The following GPR84 variants were observed in gnomAD, a reference collection of about 807,000 sequenced individuals.
The protein encoded by GPR84 is G-protein coupled receptor 84.
A neutral mutation model predicts 14.9 loss-of-function variants in GPR84; 8 were observed. That is an observed-to-expected ratio of 0.54 (90% CI 0.31 to 0.97). The LOEUF is 0.97. Among genes scored for constraint, GPR84 ranks in the 50% least tolerant of loss-of-function variants. The pLI, the probability that GPR84 is intolerant of heterozygous loss-of-function variation, is 0.04. For missense variants in GPR84, 424 were observed against 498.7 expected, an observed-to-expected ratio of 0.85 and a Z score of 1.43; for synonymous variants, 164 against 198.1, an observed-to-expected ratio of 0.83 and a Z score of 1.45.
At chr12:54,357,334 G>C in the GPR84 span, among the ~76,000 whole-genome samples, 1 of 152,152 alleles carries the variant, frequency 6.6e-6, no homozygotes, top group South Asian at 2.1e-4. Flanking sequence ...GGGGATGGGG[G>C]CGATGTGTGA....
downstream of GPR84, among the ~76,000 whole-genome samples, chr12:54,361,710 G>A (rs1455180496): frequency 2.0e-5 from 3 of 152,170 alleles, no homozygotes; most frequent in South Asian, 2.1e-4. This position sits in a 1 kb window ranked among gnomAD's most constrained non-coding sequence, Gnocchi z 4.3. Context: ...GTTTCACCAC[G>A]TTGGCCAGGC....
At chr12:54,364,097 T>C in intron 1 of GPR84, 1 of 434,340 alleles carries the variant, frequency 2.3e-6, no homozygotes, top group South Asian at 5.3e-5. Flanking sequence ...AAATATCTCT[T>C]GCCTAAATAT....
the GPR84 span, among the ~76,000 whole-genome samples, chr12:54,355,819 G>T: frequency 6.6e-6 from 1 of 152,174 alleles, no homozygotes; most frequent in South Asian, 2.1e-4. Context: ...TCAGATAGGA[G>T]GGAGCACTAG....
downstream of GPR84, among the ~76,000 whole-genome samples, chr12:54,358,934 C>T (rs1954237996): frequency 6.6e-6 from 1 of 152,122 alleles, no homozygotes; most frequent in South Asian, 2.1e-4. Context: ...CCATCCACAC[C>T]CCTCAAACTC....
Position 54,362,653 on chromosome 12 carries a change from T to C in GPR84, c.*8A>G. 6.4e-7 allele frequency: 1 copy of C among 1,564,844 alleles called. No homozygotes were observed. The highest frequency in any genetic ancestry group is 8.7e-7 in the Non-Finnish European group (1 of 1,144,686). On this transcript the variant is annotated 3_prime_UTR_variant, in exon 2 of 2. Transcript: ENST00000267015. This position sits in a 1 kb window ranked among gnomAD's most constrained non-coding sequence, Gnocchi z 4.0. ...CAGTCCTGAATTCTGGTGACTAGGGTCACAGTTCTAATGGAGCCTATGGAA... is the reference window on the plus strand; with the variant it reads ...CAGTCCTGAATTCTGGTGACTAGGGCCACAGTTCTAATGGAGCCTATGGAA...
chr12:54,350,751 T>G, the GPR84 span: 1 of 583,078 alleles, frequency 1.7e-6, no homozygotes, highest in Non-Finnish European at 3.1e-6. Context: ...ATTTAGATAA[T>G]AGGGCAGGGG....
chr12:54,359,324 GA>G (rs1451298184), downstream of GPR84, among the ~76,000 whole-genome samples: 2 of 150,796 alleles, frequency 1.3e-5, no homozygotes, highest in Non-Finnish European at 2.9e-5. Flanking sequence ...CTTGGCCAAT[GA>G]AAGGCCCTGG....
At position 54,363,501 on chromosome 12, in the gene GPR84, T is replaced by C. The variant is rs766238288; in HGVS notation, c.351A>G (p.Gly117=). 7.4e-6 allele frequency: 12 copies of C among 1,613,738 alleles called. No individual in the cohort carries two copies. Among genetic ancestry groups the C allele is most frequent in the Middle Eastern group, 1.6e-4 (1 of 6,084 alleles). Residue 117 remains glycine (G), a synonymous_variant, in exon 2 of 2, where the codon GGA becomes GGG. Coordinates refer to ENST00000267015, the MANE Select transcript of GPR84 (RefSeq NM_020370.3). ...TAGGGTGGGCAATGAGGAGGTAGCGTCCCAGTGCGATGAGGCAGAGGGTCA... is the reference window on the plus strand; with the variant it reads ...TAGGGTGGGCAATGAGGAGGTAGCGCCCCAGTGCGATGAGGCAGAGGGTCA... ...SILTLCLIAL[G]RYLLIAHPKL...
In GPR84 at chr12:54,363,503, C is replaced by T. The variant is rs774566473; in HGVS notation, c.349G>A (p.Gly117Arg). The change falls in exon 2 of 2, where the codon GGA becomes AGA. Residue 117 changes from glycine (G) to arginine (R), a missense_variant. Coordinates refer to ENST00000267015, the MANE Select transcript of GPR84 (RefSeq NM_020370.3). ...SILTLCLIALGRYLLIAHPKL... is the reference protein window; with the variant it reads ...SILTLCLIALRRYLLIAHPKL... ...GGGTGGGCAATGAGGAGGTAGCGTC[C>T]CAGTGCGATGAGGCAGAGGGTCAGG... The T allele has an allele frequency of 5.0e-6, 8 of 1,613,862 alleles. No individual in the cohort carries two copies. The highest frequency in any genetic ancestry group is 3.3e-4 in the Middle Eastern group (2 of 6,082).
At chr12:54,359,365 G>C (rs1954244494), downstream of GPR84, among the ~76,000 whole-genome samples, 1 of 151,472 alleles carries the variant, frequency 6.6e-6, no homozygotes, top group African/African-American at 2.4e-5. Flanking sequence ...GTAAGAGACA[G>C]CGAAAGAGAG....
In GPR84 at chr12:54,363,848, A is replaced by C; in HGVS notation, c.4T>G (p.Trp2Gly). 1 of 1,583,058 alleles carries C rather than the reference A, an allele frequency of 6.3e-7. No homozygotes were observed. ...GAGAAGTTGGCGTCAGAGCTGTTCCACATGATAGAGGCTAAAGAGGCAGAG... is the reference window on the plus strand; with the variant it reads ...GAGAAGTTGGCGTCAGAGCTGTTCCCCATGATAGAGGCTAAAGAGGCAGAG... M[W>G]NSSDANFSCY... Residue 2 changes from tryptophan (W) to glycine (G), a missense_variant, in exon 2 of 2, where the codon TGG (tryptophan) becomes GGG (glycine). Transcript: ENST00000267015.
downstream of GPR84, among the ~76,000 whole-genome samples, chr12:54,357,840 ATGT>A (rs1248479157): frequency 6.6e-6 from 1 of 152,186 alleles, no homozygotes; most frequent in East Asian, 1.9e-4. Flanking sequence ...TTCTGCAAAA[ATGT>A]TGTAACTGCA....
At position 54,363,151 on chromosome 12, in the gene GPR84, A is replaced by G; in HGVS notation, c.701T>C (p.Met234Thr). 1.2e-6 allele frequency: 2 copies of G among 1,614,152 alleles called. No individual in the cohort carries two copies. The highest frequency in any genetic ancestry group is 8.5e-7 in the Non-Finnish European group (1 of 1,179,984). ...GTCCAGCTCCTGGAAACGACCAGGC[A>G]TGGCCTCATCAGTCCTGGCCACATG... Reference protein sequence around the residue: ...SNHVARTDEAMPGRFQELDSR... With the variant: ...SNHVARTDEATPGRFQELDSR... The change falls in exon 2 of 2, where the codon ATG becomes ACG. Residue 234 changes from methionine to threonine, a missense_variant. Coordinates refer to ENST00000267015, the MANE Select transcript of GPR84 (RefSeq NM_020370.3).
chr12:54,357,770 T>TC (rs778750186), downstream of GPR84, among the ~76,000 whole-genome samples: 40 of 152,076 alleles, frequency 2.6e-4, no homozygotes, highest in Non-Finnish European at 5.0e-4. Context: ...CTGGCTTATC[T>TC]CCCCTATTCC....
chr12:54,351,801 T>G, the GPR84 span: 1 of 152,200 alleles, frequency 6.6e-6, no homozygotes, highest in Admixed American at 6.5e-5. Context: ...GAAAACCACC[T>G]TCATAAACTG....
Position 54,363,791 on chromosome 12 carries a change from A to G in GPR84, c.61T>C (p.Tyr21His), listed in dbSNP as rs774179979. 4 of 1,612,888 alleles carry G rather than the reference A, an allele frequency of 2.5e-6. No homozygotes were observed. The highest frequency in any genetic ancestry group is 3.3e-4 in the Middle Eastern group (2 of 6,082). ...ACCACCCCCCAGCTAACTGCAACAT[A>G]ACGATAGCCCAGCACAGACTCATGG... ...CYHESVLGYR[Y>H]VAVSWGVVVA... The change falls in exon 2 of 2, where the codon TAT (tyrosine) becomes CAT (histidine). Residue 21 changes from tyrosine to histidine, a missense_variant. Transcript: ENST00000267015.
At chr12:54,352,521 G>A in the GPR84 span, among the ~76,000 whole-genome samples, 1 of 152,250 alleles carries the variant, frequency 6.6e-6, no homozygotes, top group East Asian at 1.9e-4. Context: ...TTAAGGAGGG[G>A]GGAGTGTGGG....
chr12:54,362,720 G>T lies in GPR84; in HGVS notation c.1132C>A (p.Arg378Ser). Residue 378 changes from arginine (R) to serine (S), a missense_variant, in exon 2 of 2, where the codon CGC becomes AGC. Coordinates refer to ENST00000267015, the MANE Select transcript of GPR84 (RefSeq NM_020370.3). The surrounding 1 kb of genome is among the most constrained non-coding windows in gnomAD (Gnocchi z 4.0). ...VLYAAMNRQF[R>S]QAYGSILKRG... ...TTTAAAATGGAGCCATATGCTTGGC[G>T]GAATTGGCGGTTCATGGCTGCATAG... The T allele has an allele frequency of 6.2e-7, 1 of 1,613,908 alleles. No individual in the cohort carries two copies. The highest frequency in any genetic ancestry group is 8.5e-7 in the Non-Finnish European group (1 of 1,179,862).
chr12:54,352,412 T>C, the GPR84 span, among the ~76,000 whole-genome samples: 1 of 152,072 alleles, frequency 6.6e-6, no homozygotes, highest in Non-Finnish European at 1.5e-5. Context: ...TGCATCTTAA[T>C]GGGGCGGTGA....
Sources: gnomAD v4.1 joint callset for allele counts (sites outside exome capture counted in the v4.1 genomes callset) on GRCh38, gnomAD v4.1.1 for gene constraint, Gnocchi (gnomAD v3.1) non-coding constraint, MANE v1.5 for transcripts, NCBI Gene and HGNC (gene_info 2026-07-23, HGNC 2026-07-21) for gene names.